The following DLG2 variants were observed in gnomAD, a reference collection of about 807,000 sequenced individuals.
The protein encoded by DLG2 is discs large MAGUK scaffold protein 2, also known as disks large homolog 2.
In DLG2, 45 loss-of-function variants were observed where a neutral mutation model predicts 132.5. The observed-to-expected ratio is 0.34, with a 90% confidence interval of 0.27 to 0.44. The LOEUF (loss-of-function observed/expected upper bound fraction) is 0.44, where lower values mean the gene tolerates loss of function less well. Among genes scored for constraint, DLG2 ranks in the 20% least tolerant of loss-of-function variants. The pLI is 1.00. For missense variants in DLG2, 1,045 were observed against 1,196.9 expected, an observed-to-expected ratio of 0.87 and a Z score of 1.87; for synonymous variants, 424 against 419.6, an observed-to-expected ratio of 1.01 and a Z score of -0.13.
chr11:84,791,828 T>C (rs1260317222), intron 6 of DLG2, among the ~76,000 whole-genome samples: 1 of 152,212 alleles, frequency 6.6e-6, no homozygotes, highest in Non-Finnish European at 1.5e-5. Context: ...GATAGCTCTT[T>C]CGGTGGAGTC....
intron 7 of DLG2, among the ~76,000 whole-genome samples, chr11:84,455,632 TA>T (rs1001491355): frequency 1.7e-4 from 25 of 150,404 alleles, no homozygotes; most frequent in Middle Eastern, 3.4e-3. Flanking sequence ...GCCAAGTGGT[TA>T]AAAAAAAATA....
At chr11:84,596,399 T>TA (rs1200813738) in intron 6 of DLG2, among the ~76,000 whole-genome samples, 1 of 147,684 alleles carries the variant, frequency 6.8e-6, no homozygotes, top group Non-Finnish European at 1.5e-5. Flanking sequence ...TTTTTTTTTT[T>TA]AGTAGTAGAG....
At chr11:84,517,895 G>A (rs1336407385) in intron 7 of DLG2, among the ~76,000 whole-genome samples, 1 of 151,946 alleles carries the variant, frequency 6.6e-6, no homozygotes, top group Admixed American at 6.6e-5. Flanking sequence ...AAATAAGCCA[G>A]TCACAGAAAG....
chr11:84,208,375 G>C (rs971639589), intron 8 of DLG2, among the ~76,000 whole-genome samples: 1 of 138,674 alleles, frequency 7.2e-6, no homozygotes, highest in African/African-American at 2.8e-5. Flanking sequence ...AGATGGACTC[G>C]CTCTGTCATG....
In DLG2 at chr11:84,235,615, C is replaced by A. The variant is rs570458720; in HGVS notation, c.573+15623G>T. Among the ~76,000 whole-genome samples the A allele has an allele frequency of 2.6e-5, 4 of 152,206 alleles. No homozygotes were observed. The South Asian group carries it at 8.3e-4, about 32-fold the overall frequency. On this transcript the variant is annotated intron_variant, in intron 8 of 27. Transcript: ENST00000376104. The stretch of plus-strand genomic sequence containing the variant: ...GTATACTCGCAAATTTCCTGTCAAC[C>A]ACAATCTCGAACAATGTGTTTCTCT...
At chr11:85,300,750 T>C (rs2079537248) in intron 3 of DLG2, among the ~76,000 whole-genome samples, 2 of 152,096 alleles carry the variant, frequency 1.3e-5, no homozygotes. Context: ...AGAAAGCCTG[T>C]TCTAGGGAGT....
intron 18 of DLG2, among the ~76,000 whole-genome samples, chr11:83,657,018 G>A (rs1431425435): frequency 1.3e-5 from 2 of 152,138 alleles, no homozygotes; most frequent in East Asian, 3.9e-4. Context: ...CCAAGACCCA[G>A]TGCAAATGCC....
In DLG2 at chr11:83,767,802, C is replaced by G. The variant is rs989773501; in HGVS notation, c.1825+18888G>C. Among the ~76,000 whole-genome samples, 34 of 152,154 alleles carry G rather than the reference C, an allele frequency of 2.2e-4. 1 individual carries two copies. The highest frequency in any genetic ancestry group is 3.4e-3 in the Middle Eastern group (1 of 292). ...TTAATACCTCCCGGATACTTTCTAT[C>G]AGCCGGAAATTATTATTATAACTTG... On this transcript the variant is annotated intron_variant, in intron 18 of 27. Transcript: ENST00000376104.
At chr11:84,504,661 C>T (rs547818425) in intron 7 of DLG2, among the ~76,000 whole-genome samples, 34 of 152,030 alleles carry the variant, frequency 2.2e-4, no homozygotes, top group Non-Finnish European at 4.3e-4. Context: ...TTAAACTAAC[C>T]TTCTTAAAAA....
At chr11:85,344,598 A>G (rs773648165) in intron 3 of DLG2, among the ~76,000 whole-genome samples, 1 of 152,052 alleles carries the variant, frequency 6.6e-6, no homozygotes, top group Non-Finnish European at 1.5e-5. Context: ...TCCTATTTAG[A>G]TTATATTATG....
chr11:84,002,380 C>G (rs559453426), intron 11 of DLG2, among the ~76,000 whole-genome samples: 2 of 152,128 alleles, frequency 1.3e-5, no homozygotes, highest in Non-Finnish European at 2.9e-5. Context: ...GGTGCCCACC[C>G]GACATTTCCC....
At chr11:84,036,646 G>A (rs1199149101) in intron 11 of DLG2, among the ~76,000 whole-genome samples, 1 of 151,894 alleles carries the variant, frequency 6.6e-6, no homozygotes, top group East Asian at 1.9e-4. Context: ...TATTTTTAAG[G>A]TTACTTAAAT....
chr11:85,298,646 T>C (rs1565288022), intron 3 of DLG2, among the ~76,000 whole-genome samples: 1 of 152,206 alleles, frequency 6.6e-6, no homozygotes, highest in African/African-American at 2.4e-5. Flanking sequence ...CTGGGACATC[T>C]GTTAATTTCC....
At chr11:84,896,119 T>C (rs17147767) in intron 6 of DLG2, among the ~76,000 whole-genome samples, 14,743 of 152,212 alleles carry the variant, frequency 0.097, 941 homozygotes, top group African/African-American at 0.18. Flanking sequence ...CTGTGAAATA[T>C]TGACTCTTCA....
intron 8 of DLG2, among the ~76,000 whole-genome samples, chr11:84,230,369 G>T (rs953838095): frequency 6.6e-6 from 1 of 151,914 alleles, no homozygotes; most frequent in Non-Finnish European, 1.5e-5. Context: ...ATGAGGGAGG[G>T]GCAATGTTGA....
chr11:85,529,780 C>T (rs993350799), intron 3 of DLG2, among the ~76,000 whole-genome samples: 5 of 152,082 alleles, frequency 3.3e-5, no homozygotes, highest in African/African-American at 4.8e-5. Context: ...CCAGTGTCTC[C>T]AGGACCACCA....
intron 7 of DLG2, among the ~76,000 whole-genome samples, chr11:84,298,967 T>A (rs1192801893): frequency 6.6e-6 from 1 of 152,194 alleles, no homozygotes; most frequent in Non-Finnish European, 1.5e-5. Context: ...TTTTATTTTG[T>A]AAACTAGTGG....
chr11:83,940,844 G>C (rs932786253), intron 14 of DLG2, among the ~76,000 whole-genome samples: 1 of 152,158 alleles, frequency 6.6e-6, no homozygotes, highest in African/African-American at 2.4e-5. Flanking sequence ...TTGGGTCTTA[G>C]GGCCTTACGA....
intron 14 of DLG2, among the ~76,000 whole-genome samples, chr11:83,931,830 C>A (rs1466023920): frequency 2.0e-5 from 3 of 152,142 alleles, no homozygotes; most frequent in Non-Finnish European, 4.4e-5. Flanking sequence ...TATTTCTTTG[C>A]TTTCAGTCAC....
Sources: gnomAD v4.1 joint callset for allele counts (sites outside exome capture counted in the v4.1 genomes callset) on GRCh38, gnomAD v4.1.1 for gene constraint, MANE v1.5 for transcripts, NCBI Gene and HGNC (gene_info 2026-07-23, HGNC 2026-07-21) for gene names.